The following RBFOX1 variants were observed in gnomAD, a reference collection of about 807,000 sequenced individuals.
The protein encoded by RBFOX1 is RNA binding fox-1 homolog 1.
Under a neutral mutation model 57.7 loss-of-function variants are expected in RBFOX1, and 8 were observed. The ratio of observed to expected loss-of-function variants is 0.14; its 90% CI spans 0.08 to 0.25. The LOEUF is 0.25. RBFOX1 is among the 10% of genes least tolerant of loss of function. RBFOX1 has a pLI of 1.00. For missense variants in RBFOX1, 611 were observed against 548.5 expected (o/e 1.11, Z -1.14); for synonymous variants, 326 against 222.4 (o/e 1.47, Z -4.15).
intron 2 of RBFOX1, among the ~76,000 whole-genome samples, chr16:6,356,128 T>C (rs1249850386): frequency 6.6e-6 from 1 of 152,136 alleles, no homozygotes; most frequent in Non-Finnish European, 1.5e-5. Flanking sequence ...TGCAGAAAAA[T>C]CCCAGATAAT....
intron 4 of RBFOX1, among the ~76,000 whole-genome samples, chr16:5,912,442 G>A (rs2058622921): frequency 6.6e-6 from 1 of 152,150 alleles, no homozygotes. Flanking sequence ...GTGGTTTGGG[G>A]ACATGTCACG....
At chr16:7,405,651 A>T (rs1273512100) in intron 4 of RBFOX1, among the ~76,000 whole-genome samples, 1 of 152,166 alleles carries the variant, frequency 6.6e-6, no homozygotes. Flanking sequence ...CAGAGCAAGC[A>T]AGGCTGTGCG....
intron 3 of RBFOX1, among the ~76,000 whole-genome samples, chr16:5,717,579 C>G (rs993381558): frequency 2.0e-5 from 3 of 152,194 alleles, no homozygotes; most frequent in African/African-American, 7.2e-5. Flanking sequence ...TTAGCTCCCA[C>G]TTATAAGTGC....
chr16:5,536,902 G>GGCTT (rs2044720670), intron 2 of RBFOX1, among the ~76,000 whole-genome samples: 1 of 152,178 alleles, frequency 6.6e-6, no homozygotes, highest in African/African-American at 2.4e-5. Context: ...GTGGGCATCT[G>GGCTT]GCTTGCTGGA....
rs190244059 is a variant in RBFOX1 at position 5,851,301 on chromosome 16, T to C, written c.319-16002T>C. 3.3e-5 allele frequency among the ~76,000 whole-genome samples: 5 copies of C among 152,332 alleles called. No individual in the cohort carries two copies. The East Asian group carries it at 7.7e-4, about 23-fold the overall frequency. ...TCTGGAGACAAGATGCTCTGCCCAG[T>C]GTGCAGTGGGTGCTTTTCGTTTATC... On this transcript the variant is annotated intron_variant, in intron 3 of 19. Transcript: ENST00000641259.
chr16:6,378,953 C>T (rs905030356), intron 2 of RBFOX1, among the ~76,000 whole-genome samples: 1 of 151,938 alleles, frequency 6.6e-6, no homozygotes, highest in Non-Finnish European at 1.5e-5. Context: ...AGGATTGGCC[C>T]TGGAAAAAGA....
At chr16:7,686,408 G>C (rs7199170) in intron 14 of RBFOX1, among the ~76,000 whole-genome samples, 3 of 151,736 alleles carry the variant, frequency 2.0e-5, no homozygotes, top group Non-Finnish European at 2.9e-5. Context: ...TCATGGATCA[G>C]CTTAGGCCAC....
chr16:7,394,684 G>C (rs961728355), intron 4 of RBFOX1, among the ~76,000 whole-genome samples: 1 of 152,152 alleles, frequency 6.6e-6, no homozygotes, highest in African/African-American at 2.4e-5. Context: ...CAGTTTCGGA[G>C]ACCACGCCAG....
chr16:5,909,296 G>A (rs1417681538), intron 4 of RBFOX1, among the ~76,000 whole-genome samples: 1 of 151,914 alleles, frequency 6.6e-6, no homozygotes, highest in Non-Finnish European at 1.5e-5. Flanking sequence ...GTTTCACTGT[G>A]TTAGCCAGGA....
At chr16:6,474,514 C>A (rs961015409) in intron 2 of RBFOX1, among the ~76,000 whole-genome samples, 3 of 152,168 alleles carry the variant, frequency 2.0e-5, no homozygotes, top group African/African-American at 7.2e-5. Context: ...TGGGCAGCCA[C>A]CAGCCACTTA....
At chr16:6,689,713 C>A (rs927227380) in intron 3 of RBFOX1, among the ~76,000 whole-genome samples, 1 of 152,152 alleles carries the variant, frequency 6.6e-6, no homozygotes, top group Admixed American at 6.6e-5. Context: ...CATTCATGTT[C>A]TGTTTGGTTC....
At chr16:5,735,678 C>T (rs974708086) in intron 3 of RBFOX1, among the ~76,000 whole-genome samples, 5 of 152,106 alleles carry the variant, frequency 3.3e-5, no homozygotes, top group South Asian at 2.1e-4. Context: ...GGGTGGGTCA[C>T]CTGAGGTCAG....
intron 3 of RBFOX1, among the ~76,000 whole-genome samples, chr16:5,749,038 C>CT (rs2053092910): frequency 6.6e-6 from 1 of 152,126 alleles, no homozygotes. Context: ...TGAGTGCTTC[C>CT]TTCAGGAGCT....
chr16:5,959,419 C>A (rs2059707158), intron 4 of RBFOX1, among the ~76,000 whole-genome samples: 1 of 152,206 alleles, frequency 6.6e-6, no homozygotes, highest in Non-Finnish European at 1.5e-5. Flanking sequence ...AGATTCTACA[C>A]ACGTCATTCC....
intron 4 of RBFOX1, among the ~76,000 whole-genome samples, chr16:7,326,442 A>G (rs1419005398): frequency 6.6e-6 from 1 of 152,124 alleles, no homozygotes; most frequent in African/African-American, 2.4e-5. Context: ...GAACAGCAAC[A>G]TCTGTATGGG....
intron 3 of RBFOX1, among the ~76,000 whole-genome samples, chr16:5,694,233 G>T (rs1320140213): frequency 1.3e-5 from 2 of 152,204 alleles, no homozygotes; most frequent in Non-Finnish European, 2.9e-5. Flanking sequence ...GGGTTTACCA[G>T]CCTGATTTAC....
chr16:6,507,745 A>G (rs2096142304), intron 2 of RBFOX1, among the ~76,000 whole-genome samples: 1 of 152,118 alleles, frequency 6.6e-6, no homozygotes, highest in Non-Finnish European at 1.5e-5. Context: ...GTATGATTCC[A>G]CTTATATAAA....
At chr16:6,525,160 A>G (rs2096561350) in intron 2 of RBFOX1, among the ~76,000 whole-genome samples, 1 of 152,210 alleles carries the variant, frequency 6.6e-6, no homozygotes, top group Non-Finnish European at 1.5e-5. Flanking sequence ...GCTTGCAAAC[A>G]TCCTGAACTA....
intron 3 of RBFOX1, among the ~76,000 whole-genome samples, chr16:6,886,408 C>A (rs373428759): frequency 6.6e-6 from 1 of 151,810 alleles, no homozygotes; most frequent in African/African-American, 2.4e-5. Context: ...GAAAGGTTAC[C>A]AAATAAATTT....
Sources: gnomAD v4.1 joint callset for allele counts (sites outside exome capture counted in the v4.1 genomes callset) on GRCh38, gnomAD v4.1.1 for gene constraint, MANE v1.5 for transcripts, NCBI Gene and HGNC (gene_info 2026-07-23, HGNC 2026-07-21) for gene names.